ACTR3B: variants seen among roughly 807,000 people sequenced by gnomAD.
The protein encoded by ACTR3B is actin-related protein 3B.
Under a neutral mutation model 59.0 loss-of-function variants are expected in ACTR3B, and 8 were observed. The observed-to-expected ratio is 0.14, with a 90% confidence interval of 0.08 to 0.24. The LOEUF is 0.24. Among genes scored for constraint, ACTR3B ranks in the 10% least tolerant of loss-of-function variants. The pLI, the probability that ACTR3B is intolerant of heterozygous loss-of-function variation, is 1.00. For missense variants in ACTR3B, 245 were observed against 552.3 expected (o/e 0.44, Z 5.58); for synonymous variants, 148 against 197.9 (o/e 0.75, Z 2.12).
chr7:152,846,565 G>T (rs1027806646), intron 9 of ACTR3B, among the ~76,000 whole-genome samples: 1 of 140,094 alleles, frequency 7.1e-6, no homozygotes, highest in African/African-American at 2.7e-5. Context: ...GCTGCAGTCT[G>T]TAGTGAGCTC....
At chr7:152,767,489 A>G (rs895844498) in intron 1 of ACTR3B, among the ~76,000 whole-genome samples, 2 of 152,176 alleles carry the variant, frequency 1.3e-5, no homozygotes, top group African/African-American at 4.8e-5. Context: ...TGTTCCTCCA[A>G]GTGATCTTTG....
Position 152,854,369 on chromosome 7 carries a change from T to G in ACTR3B, c.1162-89T>G. The G allele has an allele frequency of 1.7e-6, 2 of 1,193,856 alleles. No homozygotes were observed. The highest frequency in any genetic ancestry group is 1.7e-5 in the Admixed American group (1 of 58,456). 74.0% of individuals were successfully genotyped at this position (1,193,856 alleles called of 1,614,324 possible). The stretch of plus-strand genomic sequence containing the variant: ...CTGGGAGGGAGGGTGGAGGCCGGGA[T>G]GAGGAGAGTGTCTTGCCTGCTTGGT... On this transcript the variant is annotated intron_variant, in intron 11 of 11. Transcript: ENST00000256001. This position sits in a 1 kb window ranked among gnomAD's most constrained non-coding sequence, Gnocchi z 4.9.
intron 9 of ACTR3B, among the ~76,000 whole-genome samples, chr7:152,842,562 C>T (rs903082952): frequency 1.9e-5 from 2 of 105,400 alleles, no homozygotes; most frequent in African/African-American, 2.6e-5. Flanking sequence ...TGGAGTGCTC[C>T]GCGTGTTCTC....
chr7:152,827,544 G>T (rs531408596), intron 9 of ACTR3B, among the ~76,000 whole-genome samples: 1 of 151,464 alleles, frequency 6.6e-6, no homozygotes, highest in South Asian at 2.1e-4. Flanking sequence ...AGCAGCAAAG[G>T]TTTATTTCTT....
In ACTR3B at chr7:152,759,796, C is replaced by T; in HGVS notation, c.-87C>T. 1 of 1,067,980 alleles carries T rather than the reference C, an allele frequency of 9.4e-7. No individual in the cohort carries two copies. The highest frequency in any genetic ancestry group is 1.2e-6 in the Non-Finnish European group (1 of 866,494). 66.2% of individuals were successfully genotyped at this position (1,067,980 alleles called of 1,614,324 possible). On this transcript the variant is annotated 5_prime_UTR_variant, in exon 1 of 12. Coordinates refer to ENST00000256001, the MANE Select transcript of ACTR3B (RefSeq NM_020445.6). ...GCGCTGCGGCGGCTCGCGGGAGACG[C>T]TGCGCGCGGGGCTAGCGGGCGGCGG...
intron 1 of ACTR3B, among the ~76,000 whole-genome samples, chr7:152,768,031 G>A (rs2098115132): frequency 6.6e-6 from 1 of 152,180 alleles, no homozygotes; most frequent in Non-Finnish European, 1.5e-5. Flanking sequence ...GACCAGCTTG[G>A]CCAACATGGC....
At chr7:152,769,349 A>G (rs1400169124) in intron 1 of ACTR3B, among the ~76,000 whole-genome samples, 2 of 152,206 alleles carry the variant, frequency 1.3e-5, no homozygotes, top group Admixed American at 1.3e-4. Flanking sequence ...TAGCATATCA[A>G]GTAGCCTTCT....
intron 9 of ACTR3B, among the ~76,000 whole-genome samples, chr7:152,843,399 T>A (rs187788545): frequency 0.017 from 2,515 of 152,340 alleles, 17 homozygotes; most frequent in Non-Finnish European, 0.022. Flanking sequence ...ATCCTCTCAC[T>A]CCATGGATAT....
intron 2 of ACTR3B, among the ~76,000 whole-genome samples, chr7:152,798,250 A>T (rs922741329): frequency 3.9e-5 from 6 of 151,962 alleles, no homozygotes; most frequent in African/African-American, 1.5e-4. Flanking sequence ...GAGTTGATTG[A>T]TATTGTGGGT....
rs749898772 is a variant in ACTR3B, at chr7:152,825,112, C to T, written c.941C>T (p.Pro314Leu). Reference sequence around the variant, plus strand: ...AACTGCCCCATCGATGTGCGGCGCCCGCTGTATAAGGTATGAGCTGCCTGG... The same window carrying T: ...AACTGCCCCATCGATGTGCGGCGCCTGCTGTATAAGGTATGAGCTGCCTGG... The part of the protein sequence containing the change: ...IQNCPIDVRR[P>L]LYKNVVLSGG... Residue 314 changes from proline to leucine, a missense_variant, in exon 9 of 12, where the codon CCG becomes CTG. By Grantham distance (98) the Pro-to-Leu change is moderately conservative (BLOSUM62 -3). Coordinates refer to ENST00000256001, the MANE Select transcript of ACTR3B (RefSeq NM_020445.6). 4.3e-6 allele frequency: 7 copies of T among 1,613,518 alleles called. No individual in the cohort carries two copies. The highest frequency in any genetic ancestry group is 5.1e-6 in the Non-Finnish European group (6 of 1,179,762).
Position 152,854,339 on chromosome 7 carries a change from C to G in ACTR3B, c.1162-119C>G. On this transcript the variant is annotated intron_variant, in intron 11 of 11. Transcript: ENST00000256001. The surrounding 1 kb of genome is among the most constrained non-coding windows in gnomAD (Gnocchi z 4.9). ...TCAGAGAGGTAAAATCTTGCAGCAG[C>G]GGTCCTGGGAGGGAGGGTGGAGGCC... The G allele has an allele frequency of 1.2e-6, 1 of 816,440 alleles. No individual in the cohort carries two copies. The highest frequency in any genetic ancestry group is 2.1e-6 in the Non-Finnish European group (1 of 486,300). 50.6% of individuals were successfully genotyped at this position (816,440 alleles called of 1,614,324 possible).
intron 10 of ACTR3B, 83 bp downstream of exon 10, chr7:152,852,334 G>A: frequency 6.8e-7 from 1 of 1,478,402 alleles, no homozygotes; most frequent in South Asian, 1.3e-5. Context: ...AGCCGAAGGA[G>A]CTTGTCTGGG....
rs574915139 is a variant in ACTR3B, at chr7:152,824,856, C to T, written c.859-174C>T. On this transcript the variant is annotated intron_variant, in intron 8 of 11. Transcript: ENST00000256001. This position sits in a 1 kb window ranked among gnomAD's most constrained non-coding sequence, Gnocchi z 4.2. ...CTCATGAGGAGAAATGTGTCATCAC[C>T]GCTCCACGCACTTGTAGTCACATGG... Among the ~76,000 whole-genome samples the T allele has an allele frequency of 3.9e-5, 6 of 152,268 alleles. No homozygotes were observed. Among genetic ancestry groups the T allele is most frequent in the East Asian group, 3.9e-4 (2 of 5,186 alleles).
chr7:152,788,330 T>C (rs1425046680), intron 2 of ACTR3B, among the ~76,000 whole-genome samples: 1 of 152,106 alleles, frequency 6.6e-6, no homozygotes, highest in Non-Finnish European at 1.5e-5. Flanking sequence ...AATTGAGTAT[T>C]CCTATCCTTG....
intron 1 of ACTR3B, among the ~76,000 whole-genome samples, chr7:152,775,471 T>C (rs1590214255): frequency 6.6e-6 from 1 of 152,120 alleles, no homozygotes; most frequent in Non-Finnish European, 1.5e-5. Flanking sequence ...TTTAAAATGT[T>C]TGGGGCAGGC....
chr7:152,835,947 T>C (rs983526276), intron 9 of ACTR3B, among the ~76,000 whole-genome samples: 2 of 149,652 alleles, frequency 1.3e-5, no homozygotes, highest in East Asian at 2.0e-4. Flanking sequence ...GCTGACCTGG[T>C]GAACGAGAGG....
At chr7:152,769,098 C>T (rs1267004369) in intron 1 of ACTR3B, among the ~76,000 whole-genome samples, 1 of 152,106 alleles carries the variant, frequency 6.6e-6, no homozygotes, top group Non-Finnish European at 1.5e-5. Flanking sequence ...GGTGATCCAC[C>T]CGCCTCTGCC....
intron 1 of ACTR3B, among the ~76,000 whole-genome samples, chr7:152,778,491 A>C (rs2098141833): frequency 6.6e-6 from 1 of 151,114 alleles, no homozygotes; most frequent in South Asian, 2.1e-4. Context: ...AACACCTCAG[A>C]CTCCCAAAGT....
chr7:152,764,363 C>T (rs2117105532), intron 1 of ACTR3B, among the ~76,000 whole-genome samples: 1 of 152,174 alleles, frequency 6.6e-6, no homozygotes, highest in Admixed American at 6.5e-5. Flanking sequence ...GGCGCAGTGG[C>T]TCACACCTGT....
Sources: gnomAD v4.1 joint callset for allele counts (sites outside exome capture counted in the v4.1 genomes callset) on GRCh38, gnomAD v4.1.1 for gene constraint, Gnocchi (gnomAD v3.1) non-coding constraint, MANE v1.5 for transcripts, NCBI Gene and HGNC (gene_info 2026-07-23, HGNC 2026-07-21) for gene names.